Variants in DIP2C observed in about 807,000 individuals in gnomAD.
The protein encoded by DIP2C is disco-interacting protein 2 homolog C.
A neutral mutation model predicts 192.4 loss-of-function variants in DIP2C; 33 were observed. The ratio of observed to expected loss-of-function variants is 0.17; its 90% CI spans 0.13 to 0.23. The LOEUF is 0.23. DIP2C is among the 10% of genes least tolerant of loss of function. DIP2C has a pLI of 1.00. For missense variants in DIP2C, 1,537 were observed against 2,110.1 expected (o/e 0.73, Z 5.32); for synonymous variants, 979 against 864.1 (o/e 1.13, Z -2.33).
intron 1 of DIP2C, among the ~76,000 whole-genome samples, chr10:679,500 A>G (rs145213747): frequency 0.43 from 1,226 of 2,882 alleles, 438 homozygotes; most frequent in Middle Eastern, 0.67. Flanking sequence ...CCTGCTCCCC[A>G]CACCCGTGCT....
At chr10:487,575 T>TTTTTTG (rs1844111670) in intron 1 of DIP2C, among the ~76,000 whole-genome samples, 1 of 124,312 alleles carries the variant, frequency 8.0e-6, no homozygotes, top group African/African-American at 3.2e-5. Flanking sequence ...GTGTTTTTTT[T>TTTTTTG]TTTTTTTTTT....
chr10:311,684 A>C, intron 31 of DIP2C: 2 of 721,542 alleles, frequency 2.8e-6, no homozygotes, highest in Non-Finnish European at 3.8e-6. Flanking sequence ...GATGGAGAAG[A>C]GGGAGGGGTG....
intron 2 of DIP2C, among the ~76,000 whole-genome samples, chr10:485,833 G>A (rs1228760353): frequency 6.6e-6 from 1 of 152,172 alleles, no homozygotes. Context: ...GTCGCTCTTG[G>A]GCTGAATTGA....
intron 1 of DIP2C, among the ~76,000 whole-genome samples, chr10:561,743 G>A (rs971995854): frequency 6.6e-6 from 1 of 151,946 alleles, no homozygotes. Context: ...TGCCAGGAAG[G>A]GAAGACTCCT....
intron 1 of DIP2C, among the ~76,000 whole-genome samples, chr10:688,225 A>G (rs1588774339): frequency 6.6e-6 from 1 of 151,988 alleles, no homozygotes; most frequent in South Asian, 2.1e-4. Flanking sequence ...AGCCAAGCCC[A>G]CAGGCCTGGA....
At chr10:470,310 T>G (rs1424636952) in intron 3 of DIP2C, among the ~76,000 whole-genome samples, 1 of 152,084 alleles carries the variant, frequency 6.6e-6, no homozygotes, top group African/African-American at 2.4e-5. Flanking sequence ...ACAGGAGAAA[T>G]GAACCGTGCT....
chr10:545,166 CTTTTTTTTTTTTT>C (rs60185327), intron 1 of DIP2C, among the ~76,000 whole-genome samples: 1 of 86,336 alleles, frequency 1.2e-5, no homozygotes, highest in African/African-American at 5.7e-5. Context: ...GGTGTTTTCC[CTTTTTTTTTTTTT>C]TTTTTTTTTT....
intron 1 of DIP2C, among the ~76,000 whole-genome samples, chr10:603,956 G>T: frequency 1.1e-5 from 1 of 93,356 alleles, no homozygotes; most frequent in Admixed American, 1.4e-4. Flanking sequence ...TCCAACCACT[G>T]CCCCACCCTT....
At chr10:647,420 C>T (rs1483496133) in intron 1 of DIP2C, among the ~76,000 whole-genome samples, 1 of 110,314 alleles carries the variant, frequency 9.1e-6, no homozygotes. Flanking sequence ...GAGAACAGAG[C>T]GAAATTGAGT....
At chr10:340,755 A>T (rs772387009) in intron 29 of DIP2C, 9 of 457,614 alleles carry the variant, frequency 2.0e-5, no homozygotes, top group South Asian at 1.4e-4. Flanking sequence ...CACCCCAGGG[A>T]ACGCTCAGCC....
chr10:644,105 G>A (rs963487854), intron 1 of DIP2C, among the ~76,000 whole-genome samples: 1 of 152,224 alleles, frequency 6.6e-6, no homozygotes, highest in Non-Finnish European at 1.5e-5. Context: ...TTCCGTGAGC[G>A]TATTCCTTAC....
Position 293,919 on chromosome 10 carries a change from G to C in DIP2C, c.3987-5498C>G, listed in dbSNP as rs551995712. 1.2e-4 allele frequency among the ~76,000 whole-genome samples: 18 copies of C among 152,296 alleles called. No homozygotes were observed. In the South Asian group the frequency reaches 3.5e-3, roughly 30 times the overall value. On this transcript the variant is annotated intron_variant, in intron 32 of 36. Transcript: ENST00000280886. ...CTAAGGGGAAGAAGATCTGGATCAGGGAAGTCCAGAAACAGATACCAATCA... is the reference window on the plus strand; with the variant it reads ...CTAAGGGGAAGAAGATCTGGATCAGCGAAGTCCAGAAACAGATACCAATCA...
chr10:488,743 C>A (rs1242237001), intron 1 of DIP2C, among the ~76,000 whole-genome samples: 1 of 152,244 alleles, frequency 6.6e-6, no homozygotes, highest in Non-Finnish European at 1.5e-5. Context: ...AAATCACACG[C>A]TGTAGCTTGC....
rs1411162476 is a variant in DIP2C, at chr10:384,080, T to A, written c.1823A>T (p.Asp608Val). ...CATTCGCAGAGAGGAGAGGTTGATG[T>A]CTCTCTGATCTCTGTGTGCTACTAA... is the stretch of plus-strand genomic sequence containing the variant. ...WALVAHRDQR[D>V]INLSSLRMLI... The change falls in exon 16 of 37, where the codon GAC (aspartate) becomes GTC (valine). Residue 608 changes from aspartate to valine, a missense_variant. Physicochemically the swap from Asp to Val is radical, Grantham distance 152. Coordinates refer to ENST00000280886, the MANE Select transcript of DIP2C (RefSeq NM_014974.3). The A allele has an allele frequency of 2.2e-5, 36 of 1,611,996 alleles. No homozygotes were observed. The highest frequency in any genetic ancestry group is 3.0e-5 in the Non-Finnish European group (35 of 1,179,482).
chr10:431,420 C>A (rs1203453504), intron 4 of DIP2C, among the ~76,000 whole-genome samples: 1 of 152,092 alleles, frequency 6.6e-6, no homozygotes, highest in African/African-American at 2.4e-5. Context: ...CTGAGTATTC[C>A]ATTTTGGGGA....
chr10:583,665 C>G (rs1370404095), intron 1 of DIP2C, among the ~76,000 whole-genome samples: 1 of 152,218 alleles, frequency 6.6e-6, no homozygotes, highest in Admixed American at 6.5e-5. Flanking sequence ...CCAAGCAGCT[C>G]TCAGCCAGCG....
At chr10:417,938 C>A (rs530304360) in intron 6 of DIP2C, among the ~76,000 whole-genome samples, 4 of 25,930 alleles carry the variant, frequency 1.5e-4, no homozygotes, top group South Asian at 1.4e-3. Flanking sequence ...GTCAGGGCTT[C>A]GATAGGCCTC....
chr10:547,362 A>C (rs1471261978), intron 1 of DIP2C, among the ~76,000 whole-genome samples: 1 of 152,204 alleles, frequency 6.6e-6, no homozygotes, highest in Non-Finnish European at 1.5e-5. Context: ...GTGCCAGCCA[A>C]GTGTGTGTAA....
intron 1 of DIP2C, among the ~76,000 whole-genome samples, chr10:654,148 C>T (rs1413993963): frequency 3.7e-4 from 56 of 152,222 alleles, no homozygotes; most frequent in Admixed American, 3.5e-3. Flanking sequence ...CTTGGCAGCA[C>T]GCAGGGAGGT....
Sources: allele counts gnomAD v4.1 joint callset (sites outside exome capture counted in the v4.1 genomes callset), GRCh38; gene constraint gnomAD v4.1.1; transcripts MANE v1.5; gene names NCBI Gene and HGNC (gene_info 2026-07-23, HGNC 2026-07-21).